ATF6: variants seen among roughly 807,000 people sequenced by gnomAD.
ATF6 encodes the protein cyclic AMP-dependent transcription factor ATF-6 alpha.
In ATF6, 53 loss-of-function variants were observed where a neutral mutation model predicts 83.6. That is an observed-to-expected ratio of 0.63 (90% CI 0.51 to 0.80). The LOEUF is 0.80. ATF6 is among the 30% of genes least tolerant of loss of function. The probability of loss-of-function intolerance (pLI) is 0.00; values close to 1 mark genes in which losing one functional copy is unlikely to be tolerated. For synonymous variants in ATF6, 288 were observed against 285.8 expected (o/e 1.01, Z -0.08); for missense variants, 744 against 797.9 (o/e 0.93, Z 0.81).
At position 161,769,363 on chromosome 1, in the gene ATF6, G is replaced by A. The variant is rs1485050080; in HGVS notation, c.82+2921G>A. Among the ~76,000 whole-genome samples the A allele has an allele frequency of 3.3e-5, 5 of 152,290 alleles. No individual in the cohort carries two copies. In the South Asian group the frequency reaches 1.0e-3, roughly 32 times the overall value. ...CTCCTATTGGTAACATCTTGCATTA[G>A]TGTGGTACATTGGTTACAATTGATG... is the stretch of plus-strand genomic sequence containing the variant. On this transcript the variant is annotated intron_variant, in intron 1 of 15. Transcript: ENST00000367942.
intron 12 of ATF6, among the ~76,000 whole-genome samples, chr1:161,859,561 T>G (rs150970603): frequency 2.2e-4 from 33 of 152,332 alleles, no homozygotes; most frequent in African/African-American, 7.5e-4. Flanking sequence ...CTTGGTAATA[T>G]GCCCTTGAAG....
At chr1:161,929,310 A>G (rs142407148) in intron 15 of ATF6, among the ~76,000 whole-genome samples, 32 of 152,342 alleles carry the variant, frequency 2.1e-4, no homozygotes, top group African/African-American at 7.2e-4. Context: ...ACAGAGCTGG[A>G]CATAGACCAT....
At chr1:161,772,929 T>C (rs2101715882) in intron 1 of ATF6, among the ~76,000 whole-genome samples, 1 of 151,014 alleles carries the variant, frequency 6.6e-6, no homozygotes, top group African/African-American at 2.4e-5. Context: ...TTGAACCCAG[T>C]CCAGTCAGGT....
Position 161,792,062 on chromosome 1 carries a change from GT to G in ATF6, c.485-56del, listed in dbSNP as rs1307560182. On this transcript the variant is annotated intron_variant, in intron 5 of 15. Transcript: ENST00000367942. ...TAGAGAAAGGTGTGTGATAGAATCT[GT>G]TTTTTAGGGCTTGCGTAATTGCTTT... is the stretch of plus-strand genomic sequence containing the variant. 29 of 1,427,246 alleles carry G rather than the reference GT, an allele frequency of 2.0e-5. No individual in the cohort carries two copies. In the East Asian group the frequency reaches 6.4e-4, roughly 31 times the overall value. The allele number at this position is 1,427,246 out of a possible 1,614,324, so 88.4% of individuals were successfully genotyped here.
In ATF6 at chr1:161,923,394, G is replaced by A. The variant is rs1216566585; in HGVS notation, c.1804+11014G>A. Among the ~76,000 whole-genome samples, 5 of 151,894 alleles carry A rather than the reference G, an allele frequency of 3.3e-5. No individual in the cohort carries two copies. The East Asian group carries it at 5.8e-4, about 18-fold the overall frequency. On this transcript the variant is annotated intron_variant, in intron 15 of 15. Transcript: ENST00000367942. ...TTACCTCCCTCATTTCCTCTGGTTG[G>A]CCTTACTTCCCTCTTATTTCTTGAA...
intron 15 of ATF6, among the ~76,000 whole-genome samples, chr1:161,917,681 A>G (rs1358177133): frequency 6.6e-6 from 1 of 152,152 alleles, no homozygotes; most frequent in East Asian, 1.9e-4. Context: ...CGGCCTCCCA[A>G]AGTGCTGGGA....
At chr1:161,871,323 A>T (rs1378633659) in intron 14 of ATF6, among the ~76,000 whole-genome samples, 1 of 151,582 alleles carries the variant, frequency 6.6e-6, no homozygotes, top group Non-Finnish European at 1.5e-5. Context: ...TTCTAAAGTT[A>T]CTTTGAAAAA....
chr1:161,891,026 C>A (rs889745944), intron 14 of ATF6: 1 of 152,232 alleles, frequency 6.6e-6, no homozygotes, highest in Non-Finnish European at 1.5e-5. Context: ...CCGAGGATCT[C>A]GTGTCCACCT....
chr1:161,784,818 C>G (rs1270835796), intron 4 of ATF6, among the ~76,000 whole-genome samples: 1 of 152,186 alleles, frequency 6.6e-6, no homozygotes, highest in East Asian at 1.9e-4. Flanking sequence ...CCCTGCCAGG[C>G]CATCACTATC....
chr1:161,803,981 A>G (rs577392107), intron 7 of ATF6, among the ~76,000 whole-genome samples: 2 of 132,588 alleles, frequency 1.5e-5, no homozygotes, highest in South Asian at 6.1e-4. Flanking sequence ...TCCCAGTGCT[A>G]TCCCTCCCCC....
At position 161,846,560 on chromosome 1, in the gene ATF6, T is replaced by G. The variant is rs1314146658; in HGVS notation, c.1299T>G (p.Ile433Met). The change falls in exon 10 of 16, where the codon ATT becomes ATG. Residue 433 changes from isoleucine to methionine, a missense_variant. Ile to Met is a conservative substitution (Grantham distance 10). Coordinates refer to ENST00000367942, the MANE Select transcript of ATF6 (RefSeq NM_007348.4). ...AKEAQDTSDG[I>M]IQKNSYRYDH... ...AGGCACAGGACACATCAGATGGTATTATCCAGAAAAACAGCTACAGGTAAG... is the reference window on the plus strand; with the variant it reads ...AGGCACAGGACACATCAGATGGTATGATCCAGAAAAACAGCTACAGGTAAG... 6.2e-7 allele frequency: 1 copy of G among 1,605,060 alleles called. No individual in the cohort carries two copies. Among genetic ancestry groups the G allele is most frequent in the Admixed American group, 1.7e-5 (1 of 58,708 alleles).
chr1:161,946,327 T>C (rs538152672), intron 15 of ATF6, among the ~76,000 whole-genome samples: 111 of 152,284 alleles, frequency 7.3e-4, no homozygotes, highest in African/African-American at 2.6e-3. Context: ...GAAGTGAATA[T>C]TAGGAGGAGC....
intron 6 of ATF6, among the ~76,000 whole-genome samples, chr1:161,794,545 C>G (rs1405614232): frequency 2.0e-5 from 3 of 151,982 alleles, no homozygotes; most frequent in African/African-American, 4.8e-5. Context: ...AATTCTTGGG[C>G]TCAAGGGATC....
At chr1:161,817,833 C>T (rs910421143) in intron 7 of ATF6, among the ~76,000 whole-genome samples, 1 of 152,002 alleles carries the variant, frequency 6.6e-6, no homozygotes, top group Non-Finnish European at 1.5e-5. Flanking sequence ...CACGGTGGCT[C>T]ACACTTGTAA....
intron 1 of ATF6, among the ~76,000 whole-genome samples, chr1:161,775,920 G>A (rs1684505164): frequency 6.6e-6 from 1 of 151,968 alleles, no homozygotes; most frequent in Non-Finnish European, 1.5e-5. Flanking sequence ...ATGTGCATGT[G>A]TATATATGTA....
intron 6 of ATF6, among the ~76,000 whole-genome samples, chr1:161,796,150 T>A (rs1287103570): frequency 6.6e-6 from 1 of 152,206 alleles, no homozygotes; most frequent in Non-Finnish European, 1.5e-5. Flanking sequence ...TAGTACAGAT[T>A]TGGATTATTT....
chr1:161,918,727 A>G (rs552617365), intron 15 of ATF6, among the ~76,000 whole-genome samples: 1 of 152,200 alleles, frequency 6.6e-6, no homozygotes, highest in Non-Finnish European at 1.5e-5. Flanking sequence ...GTTACATACA[A>G]CTTGGAAACA....
chr1:161,928,434 T>G (rs1019441540), intron 15 of ATF6, among the ~76,000 whole-genome samples: 2 of 152,084 alleles, frequency 1.3e-5, no homozygotes, highest in East Asian at 3.9e-4. Context: ...CCAGAAAGGC[T>G]TTTTTTCCCC....
chr1:161,896,587 T>C (rs921057650), intron 14 of ATF6, among the ~76,000 whole-genome samples: 3 of 152,198 alleles, frequency 2.0e-5, no homozygotes, highest in African/African-American at 7.2e-5. Context: ...TTTTTCCTTA[T>C]TGGTGAAAAC....
Sources: allele counts gnomAD v4.1 joint callset (sites outside exome capture counted in the v4.1 genomes callset), GRCh38; gene constraint gnomAD v4.1.1; transcripts MANE v1.5; gene names NCBI Gene and HGNC (gene_info 2026-07-23, HGNC 2026-07-21).